The following PALM2AKAP2 variants were observed in gnomAD, a reference collection of about 807,000 sequenced individuals.
The protein encoded by PALM2AKAP2 is PALM2-AKAP2 fusion protein.
Under a neutral mutation model 71.5 loss-of-function variants are expected in PALM2AKAP2, and 37 were observed. That is an observed-to-expected ratio of 0.52 (90% CI 0.40 to 0.68). The LOEUF (loss-of-function observed/expected upper bound fraction) is 0.68. Among genes scored for constraint, PALM2AKAP2 ranks in the 30% least tolerant of loss-of-function variants. PALM2AKAP2 has a pLI of 0.00. For synonymous variants in PALM2AKAP2, 468 were observed against 478.8 expected (o/e 0.98, Z 0.29); for missense variants, 1,224 against 1,191.8 (o/e 1.03, Z -0.40).
intron 1 of PALM2AKAP2, among the ~76,000 whole-genome samples, chr9:109,733,478 C>T (rs1029173992): frequency 5.3e-5 from 8 of 152,214 alleles, no homozygotes; most frequent in East Asian, 1.9e-4. Flanking sequence ...CTGGAACACA[C>T]GTGGAAATAC....
rs776365046 is a variant in PALM2AKAP2, at chr9:110,137,843, C to T, written c.1873C>T (p.Arg625Ter). Reference sequence around the variant, plus strand: ...ACAAACTGACAACCCCTCAGAGGGCCGAGGAGAAGGCGTCTCCAAGTCATT... The same window carrying T: ...ACAAACTGACAACCCCTCAGAGGGCTGAGGAGAAGGCGTCTCCAAGTCATT... Residue 625 changes from arginine (R) to a stop codon, truncating the protein, a stop_gained, in exon 2 of 4, where the codon CGA (arginine) becomes TGA (stop). Coordinates refer to ENST00000374525, the Ensembl canonical transcript of PALM2AKAP2. LOFTEE classifies it high-confidence loss of function. 1 of 1,614,108 alleles carries T rather than the reference C, an allele frequency of 6.2e-7. No individual in the cohort carries two copies. Among genetic ancestry groups the T allele is most frequent in the Non-Finnish European group, 8.5e-7 (1 of 1,180,024 alleles).
intron 6 of PALM2AKAP2, among the ~76,000 whole-genome samples, chr9:109,964,090 GAGAACATAAAATATTTAATA>G (rs1831899711): frequency 6.6e-6 from 1 of 152,232 alleles, no homozygotes; most frequent in Non-Finnish European, 1.5e-5. Flanking sequence ...CTTAGTAAGA[GAGAACATAAAATATTTAATA>G]ATTTTGAATT....
At chr9:109,825,393 C>T (rs1017828530) in intron 1 of PALM2AKAP2, among the ~76,000 whole-genome samples, 1 of 152,180 alleles carries the variant, frequency 6.6e-6, no homozygotes, top group African/African-American at 2.4e-5. Flanking sequence ...AGCTTCTGCA[C>T]AGCAAAAGAA....
intron 2 of PALM2AKAP2, among the ~76,000 whole-genome samples, chr9:110,141,086 A>G (rs1014771409): frequency 6.6e-5 from 10 of 152,138 alleles, no homozygotes; most frequent in East Asian, 5.8e-4. Flanking sequence ...CACATAAACA[A>G]CTGTCTAATA....
At chr9:109,711,169 A>AC (rs1391808621) in intron 1 of PALM2AKAP2, among the ~76,000 whole-genome samples, 1 of 152,012 alleles carries the variant, frequency 6.6e-6, no homozygotes, top group Non-Finnish European at 1.5e-5. Flanking sequence ...AATTTAAAAA[A>AC]AAAATGGAAA....
intron 3 of PALM2AKAP2, among the ~76,000 whole-genome samples, chr9:110,157,660 A>G (rs1351892994): frequency 1.3e-5 from 2 of 152,130 alleles, no homozygotes; most frequent in Non-Finnish European, 2.9e-5. Context: ...CCAGCCTCCT[A>G]AAGTGCTGGG....
At chr9:109,936,775 G>T (rs919517585) in intron 6 of PALM2AKAP2, among the ~76,000 whole-genome samples, 1 of 152,202 alleles carries the variant, frequency 6.6e-6, no homozygotes, top group Non-Finnish European at 1.5e-5. Context: ...AATGGGGTGT[G>T]ATCTGGATAG....
intron 2 of PALM2AKAP2, among the ~76,000 whole-genome samples, chr9:110,142,068 CTTTTT>C (rs994621645): frequency 1.3e-3 from 159 of 121,844 alleles, no homozygotes; most frequent in African/African-American, 4.5e-3. Flanking sequence ...TCTTATTTTA[CTTTTT>C]TTTTTTTTTT....
At chr9:110,004,221 C>G (rs1307919047) in intron 6 of PALM2AKAP2, among the ~76,000 whole-genome samples, 1 of 152,138 alleles carries the variant, frequency 6.6e-6, no homozygotes, top group African/African-American at 2.4e-5. Flanking sequence ...TTAGGGCAGG[C>G]CTGGTGGTGA....
At chr9:109,948,758 G>T (rs370687774) in intron 6 of PALM2AKAP2, among the ~76,000 whole-genome samples, 14 of 152,150 alleles carry the variant, frequency 9.2e-5, no homozygotes, top group African/African-American at 3.1e-4. Flanking sequence ...TGGAGTGAAA[G>T]AATAGAAATA....
chr9:110,057,927 C>G (rs953002733), intron 1 of PALM2AKAP2, among the ~76,000 whole-genome samples: 1 of 152,208 alleles, frequency 6.6e-6, no homozygotes, highest in Admixed American at 6.5e-5. Context: ...GGCCAAGACT[C>G]AGGACTTGAA....
intron 6 of PALM2AKAP2, among the ~76,000 whole-genome samples, chr9:109,983,679 A>G (rs1588044176): frequency 6.6e-6 from 1 of 152,060 alleles, no homozygotes; most frequent in Non-Finnish European, 1.5e-5. Context: ...AGCCTGACCA[A>G]CATGGCAAAA....
At chr9:109,930,308 C>G (rs1418287184) in intron 5 of PALM2AKAP2, among the ~76,000 whole-genome samples, 11 of 152,114 alleles carry the variant, frequency 7.2e-5, no homozygotes, top group Admixed American at 7.2e-4. Context: ...TCACTGCAAC[C>G]TCCGCCTCCT....
At chr9:109,711,842 C>T (rs1483017804) in intron 1 of PALM2AKAP2, among the ~76,000 whole-genome samples, 2 of 152,194 alleles carry the variant, frequency 1.3e-5, no homozygotes, top group Admixed American at 6.6e-5. Flanking sequence ...GGCTGTCCAG[C>T]GACTGGGATC....
At chr9:109,917,143 A>T (rs1437878127) in intron 3 of PALM2AKAP2, among the ~76,000 whole-genome samples, 1 of 152,206 alleles carries the variant, frequency 6.6e-6, no homozygotes, top group East Asian at 1.9e-4. Context: ...AAGGTCAGAG[A>T]GATGCAACAG....
At chr9:109,750,571 CGT>C (rs111708702) in intron 1 of PALM2AKAP2, among the ~76,000 whole-genome samples, 75 of 147,260 alleles carry the variant, frequency 5.1e-4, no homozygotes, top group South Asian at 9.2e-4. Flanking sequence ...TGCCCTAGGA[CGT>C]GTGTGTGTGT....
chr9:110,029,747 T>C (rs1275229845), intron 7 of PALM2AKAP2, among the ~76,000 whole-genome samples: 1 of 152,196 alleles, frequency 6.6e-6, no homozygotes, highest in Admixed American at 6.5e-5. Context: ...ACAGAAACTA[T>C]TGGTCTTTAG....
At chr9:110,038,364 C>T (rs1833450921) in intron 7 of PALM2AKAP2, among the ~76,000 whole-genome samples, 1 of 151,086 alleles carries the variant, frequency 6.6e-6, no homozygotes, top group South Asian at 2.1e-4. Context: ...AAACAAAAAA[C>T]AAAAAGGTCA....
At chr9:110,060,747 A>T (rs146158414) in intron 1 of PALM2AKAP2, among the ~76,000 whole-genome samples, 2 of 152,084 alleles carry the variant, frequency 1.3e-5, no homozygotes, top group Middle Eastern at 3.4e-3. Context: ...GACTACAGGT[A>T]CATGCCACCA....
Sources: allele counts gnomAD v4.1 joint callset (sites outside exome capture counted in the v4.1 genomes callset), GRCh38; gene constraint gnomAD v4.1.1; transcripts MANE v1.5; gene names NCBI Gene and HGNC (gene_info 2026-07-23, HGNC 2026-07-21).